The following ANKRD13B variants were observed in gnomAD, a reference collection of about 807,000 sequenced individuals.
The protein encoded by ANKRD13B is ankyrin repeat domain-containing protein 13B.
In ANKRD13B, 33 loss-of-function variants were observed where a neutral mutation model predicts 74.4. The observed-to-expected ratio is 0.44, with a 90% CI of 0.34 to 0.59. The LOEUF is 0.59. Ranked by LOEUF, ANKRD13B falls within the 20% of genes least tolerant of loss-of-function variation. ANKRD13B has a pLI of 0.02. For synonymous variants in ANKRD13B, 341 were observed against 362.9 expected (o/e 0.94, Z 0.68); for missense variants, 676 against 877.9 (o/e 0.77, Z 2.91).
chr17:29,606,616 G>A (rs943881017), intron 1 of ANKRD13B, among the ~76,000 whole-genome samples: 4 of 150,016 alleles, frequency 2.7e-5, no homozygotes, highest in Non-Finnish European at 5.9e-5. Flanking sequence ...TGCTTTCTAA[G>A]CCAGGTGCAG....
In ANKRD13B at chr17:29,608,897, G is replaced by T; in HGVS notation, c.468G>T (p.Trp156Cys). 6.2e-7 allele frequency: 1 copy of T among 1,614,150 alleles called. No individual in the cohort carries two copies. The highest frequency in any genetic ancestry group is 2.2e-5 in the East Asian group (1 of 44,886). The change falls in exon 5 of 15, where the codon TGG (tryptophan) becomes TGT (cysteine). Residue 156 changes from tryptophan to cysteine, a missense_variant. Around this residue, in one of 4 missense-constraint regions of ANKRD13B, gnomAD observed 328 missense variants for 518.4 expected, o/e 0.63. Transcript: ENST00000394859. This position sits in a 1 kb window ranked among gnomAD's most constrained non-coding sequence, Gnocchi z 6.4. ...GCCCTAGTGACACCTACAAAGTGTG[G>T]AAGAGCGGCCAGAACCTGAGGGTAG... Reference protein sequence around the residue: ...KICPSDTYKVWKSGQNLRVDT... With the variant: ...KICPSDTYKVCKSGQNLRVDT...
Position 29,593,273 on chromosome 17 carries a change from C to T in ANKRD13B, c.-349C>T, listed in dbSNP as rs1401129641. Among the ~76,000 whole-genome samples the T allele has an allele frequency of 6.7e-6, 1 of 148,854 alleles. No individual in the cohort carries two copies. Among genetic ancestry groups the T allele is most frequent in the African/African-American group, 2.4e-5 (1 of 41,070 alleles). On this transcript the variant is annotated 5_prime_UTR_variant, in exon 1 of 15. Coordinates refer to ENST00000394859, the MANE Select transcript of ANKRD13B (RefSeq NM_152345.5). ...CCCGGGGCCCGCGTCCCGTGCGCCC[C>T]CGCGCCCGCTGCGGGCGCCTGCTCC...
At chr17:29,595,656 A>G (rs920008158) in intron 1 of ANKRD13B, among the ~76,000 whole-genome samples, 21 of 151,884 alleles carry the variant, frequency 1.4e-4, no homozygotes, top group African/African-American at 4.8e-4. Context: ...CCTCAGAAAC[A>G]AGGTCCCAGA....
rs1295475408 is a variant in ANKRD13B at position 29,612,483 on chromosome 17, G to A, written c.1340G>A (p.Arg447Gln). ...TGCGACGAACCGGTGCCATCGGTGC[G>A]AGGCAGCCCCAGCAGCGAGACGCCT... Reference protein sequence around the residue: ...NGCDEPVPSVRGSPSSETPSP... With the variant: ...NGCDEPVPSVQGSPSSETPSP... The change falls in exon 12 of 15, where the codon CGA (arginine) becomes CAA (glutamine). Residue 447 changes from arginine to glutamine, a missense_variant. Physicochemically the swap from Arg to Gln is conservative, Grantham distance 43. Coordinates refer to ENST00000394859, the MANE Select transcript of ANKRD13B (RefSeq NM_152345.5). This position sits in a 1 kb window ranked among gnomAD's most constrained non-coding sequence, Gnocchi z 6.1. 1 of 1,594,746 alleles carries A rather than the reference G, an allele frequency of 6.3e-7. No homozygotes were observed. Among genetic ancestry groups the A allele is most frequent in the African/African-American group, 1.3e-5 (1 of 74,650 alleles).
chr17:29,593,788 C>A, intron 1 of ANKRD13B, 53 bp downstream of exon 1: 3 of 1,146,958 alleles, frequency 2.6e-6, no homozygotes, highest in South Asian at 2.5e-5. Flanking sequence ...CACGCCCGTC[C>A]GGCCTGGGGA....
chr17:29,610,469 C>G (rs2150900715), intron 7 of ANKRD13B, among the ~76,000 whole-genome samples: 1 of 152,274 alleles, frequency 6.6e-6, no homozygotes, highest in Middle Eastern at 3.4e-3. Flanking sequence ...ATGCCTACCT[C>G]AATGCCTGGC....
chr17:29,593,942 C>T (rs2150866668), intron 1 of ANKRD13B: 1 of 291,824 alleles, frequency 3.4e-6, no homozygotes, highest in South Asian at 1.3e-4. Flanking sequence ...TCGGACTCAC[C>T]TAGATGAGAG....
In ANKRD13B at chr17:29,612,812, C is replaced by T. The variant is rs1220455051; in HGVS notation, c.1572C>T (p.Asp524=). Residue 524 remains aspartate, a synonymous_variant, in exon 13 of 15, where the codon GAC becomes GAT. Transcript: ENST00000394859. This position sits in a 1 kb window ranked among gnomAD's most constrained non-coding sequence, Gnocchi z 6.1. ...TGCTTGAGGCGGGCAGTGAGTATGA[C>T]CAGGTGCGTCTCCGCGGGCGCGCGG... ...QSLLEAGSEY[D]QVTIWEALTN... 1 of 1,602,198 alleles carries T rather than the reference C, an allele frequency of 6.2e-7. No homozygotes were observed. Among genetic ancestry groups the T allele is most frequent in the African/African-American group, 1.3e-5 (1 of 74,862 alleles).
At chr17:29,601,266 G>C (rs1440669798) in intron 1 of ANKRD13B, among the ~76,000 whole-genome samples, 2 of 148,388 alleles carry the variant, frequency 1.3e-5, no homozygotes, top group East Asian at 3.9e-4. Flanking sequence ...CTGTCACCCA[G>C]GCTGGAGTGC....
intron 7 of ANKRD13B, 49 bp from the exon 8 acceptor site, chr17:29,610,636 C>G (rs373104400): frequency 6.3e-7 from 1 of 1,579,456 alleles, no homozygotes; most frequent in South Asian, 1.1e-5. Context: ...GGGTAAGACA[C>G]AGGGTAAGAC....
intron 14 of ANKRD13B, 105 bp downstream of exon 14, chr17:29,613,068 G>T (rs1567796734): frequency 3.5e-6 from 5 of 1,441,600 alleles, no homozygotes; most frequent in Non-Finnish European, 3.8e-6. Flanking sequence ...GGACCCTCCT[G>T]GTATCGGGAT....
chr17:29,612,042 CG>C lies in ANKRD13B; in HGVS notation c.1100+40del. 6.2e-7 allele frequency: 1 copy of C among 1,608,522 alleles called. No homozygotes were observed. The highest frequency in any genetic ancestry group is 8.5e-7 in the Non-Finnish European group (1 of 1,176,618). ...TGCCGGTGCTGGGAAGGTGGGGGGC[CG>C]GGGCTCCAGGAGATGCTGGGAGGCC... On this transcript the variant is annotated intron_variant, in intron 10 of 14. Transcript: ENST00000394859. The surrounding 1 kb of genome is among the most constrained non-coding windows in gnomAD (Gnocchi z 6.1).
At chr17:29,606,217 T>A (rs1349102235) in intron 1 of ANKRD13B, among the ~76,000 whole-genome samples, 2 of 150,598 alleles carry the variant, frequency 1.3e-5, no homozygotes, top group African/African-American at 2.4e-5. Flanking sequence ...GGCCTGTCAG[T>A]TCACTGTTCT....
chr17:29,607,451 C>T (rs2034428516), intron 1 of ANKRD13B, among the ~76,000 whole-genome samples: 1 of 152,246 alleles, frequency 6.6e-6, no homozygotes, highest in Non-Finnish European at 1.5e-5. Flanking sequence ...GGAGAGGACC[C>T]AGCCAGGGGC....
At position 29,608,564 on chromosome 17, in the gene ANKRD13B, T is replaced by C. The variant is rs2034470889; in HGVS notation, c.422-287T>C. On this transcript the variant is annotated intron_variant, in intron 4 of 14. Transcript: ENST00000394859. This position sits in a 1 kb window ranked among gnomAD's most constrained non-coding sequence, Gnocchi z 6.4. ...GCTGGAACACTCAGTAGGTGTTTCA[T>C]AAATATTTGTTGAAAGAATGGATGA... is the stretch of plus-strand genomic sequence containing the variant. 1.2e-5 allele frequency: 7 copies of C among 573,506 alleles called. No homozygotes were observed. Among genetic ancestry groups the C allele is most frequent in the African/African-American group, 1.9e-5 (1 of 53,546 alleles). 35.5% of individuals were successfully genotyped at this position (573,506 alleles called of 1,614,324 possible). A position where few individuals can be genotyped will look rare whatever the true frequency, so the allele number is the denominator to read the frequency against.
Position 29,607,702 on chromosome 17 carries a change from G to A in ANKRD13B, c.115-40G>A, listed in dbSNP as rs370033767. 2.9e-5 allele frequency: 45 copies of A among 1,572,580 alleles called. 1 individual carries two copies. In the African/African-American group the frequency reaches 3.8e-4, roughly 13 times the overall value. ...CTGGCTCCGGAGGGCTGCCTCCGAC[G>A]TGACTGGGGCTTTATCTTCCACTCC... On this transcript the variant is annotated intron_variant, in intron 1 of 14. Coordinates refer to ENST00000394859, the MANE Select transcript of ANKRD13B (RefSeq NM_152345.5).
chr17:29,594,295 G>A (rs896661673), intron 1 of ANKRD13B, among the ~76,000 whole-genome samples: 1 of 152,218 alleles, frequency 6.6e-6, no homozygotes, highest in Non-Finnish European at 1.5e-5. Context: ...ACCCTCTTGG[G>A]AGGCCCCAAG....
chr17:29,593,766 C>A (rs1008839474), intron 1 of ANKRD13B, 31 bp downstream of exon 1: 2 of 1,327,330 alleles, frequency 1.5e-6, no homozygotes, highest in Non-Finnish European at 2.0e-6. Flanking sequence ...CCGCGGGGAC[C>A]CCGCGGCCGG....
intron 1 of ANKRD13B, among the ~76,000 whole-genome samples, chr17:29,602,171 G>A (rs778581252): frequency 5.9e-5 from 9 of 152,122 alleles, no homozygotes; most frequent in Non-Finnish European, 8.8e-5. Context: ...CGAGGCGGGC[G>A]GATCACGAGG....
Sources: gnomAD v4.1 joint callset for allele counts (sites outside exome capture counted in the v4.1 genomes callset) on GRCh38, gnomAD v4.1.1 for gene constraint, gnomAD v4.1.1 regional missense constraint, Gnocchi (gnomAD v3.1) non-coding constraint, MANE v1.5 for transcripts, NCBI Gene and HGNC (gene_info 2026-07-23, HGNC 2026-07-21) for gene names.